The following ARHGAP18 variants were observed in gnomAD, a reference collection of about 807,000 sequenced individuals.
ARHGAP18 encodes rho GTPase-activating protein 18.
ARHGAP18 carries 67 observed loss-of-function variants against 86.2 expected under a neutral mutation model. That is an observed-to-expected ratio of 0.78 (90% CI 0.64 to 0.95). ARHGAP18 has a LOEUF of 0.95. ARHGAP18 is among the 40% of genes least tolerant of loss of function. The probability of loss-of-function intolerance (pLI) is 0.00; values close to 1 mark genes in which losing one functional copy is unlikely to be tolerated. For synonymous variants in ARHGAP18, 283 were observed against 280.4 expected (o/e 1.01, Z -0.09); for missense variants, 691 against 780.4 (o/e 0.89, Z 1.37).
At chr6:129,650,204 G>T (rs867320278) in intron 1 of ARHGAP18, among the ~76,000 whole-genome samples, 9 of 151,856 alleles carry the variant, frequency 5.9e-5, no homozygotes, top group Non-Finnish European at 1.3e-4. Context: ...GATCACAGGC[G>T]TGAGTCACTG....
intron 5 of ARHGAP18, among the ~76,000 whole-genome samples, chr6:129,622,362 T>C (rs1284354123): frequency 6.6e-6 from 1 of 152,222 alleles, no homozygotes; most frequent in Non-Finnish European, 1.5e-5. Context: ...AAATGTTTCA[T>C]TAAAATCAGT....
chr6:129,614,251 C>A (rs910764919), intron 7 of ARHGAP18, among the ~76,000 whole-genome samples: 1 of 152,100 alleles, frequency 6.6e-6, no homozygotes, highest in Non-Finnish European at 1.5e-5. Flanking sequence ...TCAGTCGTTT[C>A]TAATTTTTTC....
At chr6:129,698,603 C>T (rs1433813476) in intron 1 of ARHGAP18, among the ~76,000 whole-genome samples, 4 of 150,100 alleles carry the variant, frequency 2.7e-5, no homozygotes, top group Admixed American at 6.7e-5. Flanking sequence ...AGTGCAGTAA[C>T]GAGATCTTGG....
intron 10 of ARHGAP18, among the ~76,000 whole-genome samples, chr6:129,602,407 A>T (rs4604290): frequency 2.0e-5 from 3 of 151,834 alleles, no homozygotes; most frequent in African/African-American, 2.4e-5. Context: ...TTTCAGAGTT[A>T]GCCTAAAATC....
At chr6:129,651,177 G>A (rs571198201) in intron 1 of ARHGAP18, among the ~76,000 whole-genome samples, 3 of 152,112 alleles carry the variant, frequency 2.0e-5, no homozygotes, top group Non-Finnish European at 4.4e-5. Flanking sequence ...AAGTAAGAGA[G>A]GGATGAAAAG....
chr6:129,628,560 C>T (rs9385504), intron 5 of ARHGAP18, among the ~76,000 whole-genome samples: 36,577 of 151,932 alleles, frequency 0.24, 4,699 homozygotes, highest in Non-Finnish European at 0.28. Context: ...AAGTTGGTGA[C>T]CAAACTTCTA....
chr6:129,686,844 G>C (rs1010341222), intron 1 of ARHGAP18, among the ~76,000 whole-genome samples: 2 of 142,672 alleles, frequency 1.4e-5, no homozygotes, highest in Admixed American at 1.5e-4. Context: ...AGGCCGGTGT[G>C]CAATGGCGCG....
chr6:129,598,028 C>G (rs1358616848), intron 12 of ARHGAP18, among the ~76,000 whole-genome samples: 1 of 152,014 alleles, frequency 6.6e-6, no homozygotes, highest in Non-Finnish European at 1.5e-5. Flanking sequence ...CAGAATATCA[C>G]AGCTAAATGC....
chr6:129,578,560 G>T lies in ARHGAP18; in HGVS notation c.1945C>A (p.Gln649Lys). The change falls in exon 15 of 15, where the codon CAG (glutamine) becomes AAG (lysine). Residue 649 changes from glutamine to lysine, a missense_variant. Transcript: ENST00000368149. ...DDDTYMKDLY[Q>K]LNPNAEWVIK... ...ACCCACTCAGCATTTGGGTTAAGCT[G>T]ATATAAATCCTTCATGTAAGTGTCA... The T allele has an allele frequency of 2.5e-6, 4 of 1,612,388 alleles. No individual in the cohort carries two copies. Among genetic ancestry groups the T allele is most frequent in the Non-Finnish European group, 3.4e-6 (4 of 1,179,002 alleles).
intron 11 of ARHGAP18, among the ~76,000 whole-genome samples, chr6:129,599,768 T>C (rs1245813162): frequency 6.6e-6 from 1 of 152,066 alleles, no homozygotes; most frequent in Non-Finnish European, 1.5e-5. Context: ...AGCTAGCCGC[T>C]GCTGTCATGA....
chr6:129,677,392 CA>C (rs112446982), intron 1 of ARHGAP18, among the ~76,000 whole-genome samples: 22,023 of 139,162 alleles, frequency 0.16, 2,576 homozygotes, highest in African/African-American at 0.34. Context: ...GACTCCGTCT[CA>C]AAAAAAAAAA....
chr6:129,644,422 C>T (rs1773538184), intron 1 of ARHGAP18, among the ~76,000 whole-genome samples: 1 of 152,180 alleles, frequency 6.6e-6, no homozygotes. Context: ...AGCAGCTCAA[C>T]TTATCTGTAT....
chr6:129,632,332 G>T (rs1773235328), intron 4 of ARHGAP18, among the ~76,000 whole-genome samples: 1 of 152,168 alleles, frequency 6.6e-6, no homozygotes, highest in South Asian at 2.1e-4. Flanking sequence ...AAATCAAGCA[G>T]CAAGTTTGTC....
intron 7 of ARHGAP18, among the ~76,000 whole-genome samples, chr6:129,614,076 TC>T (rs1243299205): frequency 6.6e-6 from 1 of 152,200 alleles, no homozygotes; most frequent in African/African-American, 2.4e-5. Context: ...ATTTCCCTCA[TC>T]CTTCTGAGAA....
chr6:129,605,829 A>T (rs1183396953), intron 10 of ARHGAP18, 48 bp downstream of exon 10: 2 of 1,500,928 alleles, frequency 1.3e-6, no homozygotes, highest in Non-Finnish European at 1.9e-6. Context: ...ATGAAAAATT[A>T]CTGTGCTTAC....
intron 12 of ARHGAP18, among the ~76,000 whole-genome samples, chr6:129,596,339 G>GGACTGAGTTTCCT (rs921822941): frequency 1.3e-5 from 2 of 151,948 alleles, no homozygotes; most frequent in African/African-American, 4.8e-5. Flanking sequence ...CTTTCTGCCT[G>GGACTGAGTTTCCT]GACTGAGTTT....
At chr6:129,670,379 A>G (rs920119628) in intron 1 of ARHGAP18, among the ~76,000 whole-genome samples, 14 of 152,204 alleles carry the variant, frequency 9.2e-5, no homozygotes, top group African/African-American at 3.1e-4. Context: ...TCTTCAATAT[A>G]TTGTGCAAAG....
At chr6:129,701,979 T>A (rs1425647586) in intron 1 of ARHGAP18, among the ~76,000 whole-genome samples, 1 of 152,112 alleles carries the variant, frequency 6.6e-6, no homozygotes, top group East Asian at 1.9e-4. Context: ...AGTGTCCCCA[T>A]ATGACCAGCT....
intron 1 of ARHGAP18, among the ~76,000 whole-genome samples, chr6:129,691,700 A>G (rs545261308): frequency 4.6e-5 from 7 of 152,286 alleles, no homozygotes; most frequent in African/African-American, 1.7e-4. Flanking sequence ...CTACCCAACA[A>G]TGGCAATAAA....
Sources: allele counts gnomAD v4.1 joint callset (sites outside exome capture counted in the v4.1 genomes callset), GRCh38; gene constraint gnomAD v4.1.1; transcripts MANE v1.5; gene names NCBI Gene and HGNC (gene_info 2026-07-23, HGNC 2026-07-21).